The following KAZN variants were observed in gnomAD, a reference collection of about 807,000 sequenced individuals.
The protein encoded by KAZN is kazrin, periplakin interacting protein.
Under a neutral mutation model 87.4 loss-of-function variants are expected in KAZN, and 40 were observed. That is an observed-to-expected ratio of 0.46 (90% CI 0.36 to 0.60). The LOEUF is 0.60. Ranked by LOEUF, KAZN falls within the 20% of genes least tolerant of loss-of-function variation. The pLI is 0.00. For missense variants in KAZN, 898 were observed against 1,073.9 expected, an observed-to-expected ratio of 0.84 and a Z score of 2.29; for synonymous variants, 466 against 458.3, an observed-to-expected ratio of 1.02 and a Z score of -0.22.
chr1:14,777,737 T>G (rs138476006), intron 1 of KAZN, among the ~76,000 whole-genome samples: 232 of 152,306 alleles, frequency 1.5e-3, no homozygotes, highest in African/African-American at 5.4e-3. Flanking sequence ...CGAGGATACA[T>G]ATTGTTACTT....
Position 15,086,571 on chromosome 1 carries a change from A to C in KAZN, c.1223-7609A>C, listed in dbSNP as rs776757239. Among the ~76,000 whole-genome samples, 113 of 152,240 alleles carry C rather than the reference A, an allele frequency of 7.4e-4. 1 individual carries two copies. The highest frequency in any genetic ancestry group is 1.2e-4 in the Non-Finnish European group (8 of 68,036). On this transcript the variant is annotated intron_variant, in intron 8 of 14. Transcript: ENST00000376030. The stretch of plus-strand genomic sequence containing the variant: ...AAAGTTATTCCAGAAGGAAGGTCTG[A>C]GGTACAAGAAGACATGATGAACAAA...
chr1:14,962,235 C>T (rs191186205), intron 2 of KAZN, among the ~76,000 whole-genome samples: 1 of 152,314 alleles, frequency 6.6e-6, no homozygotes, highest in East Asian at 1.9e-4. Context: ...AGGGTGAGCC[C>T]GTATCCAGAG....
intron 1 of KAZN, among the ~76,000 whole-genome samples, chr1:14,734,289 T>A (rs1035997584): frequency 6.9e-6 from 1 of 145,792 alleles, no homozygotes; most frequent in South Asian, 2.2e-4. Flanking sequence ...AGAGAGTCTG[T>A]GTTTTTCTTT....
rs1322308830 is a variant in KAZN at position 14,276,160 on chromosome 1, G to GGGGT, written c.249+95569_249+95570insGGTG. On this transcript the variant is annotated intron_variant, in intron 2 of 16. Coordinates refer to the KAZN transcript ENST00000636203. ...CATGGAGCATAGTGTTCGCTATAAG[G>GGGGT]GTGTGTGTGTGTGTGTGTGTGTGTG... is the stretch of plus-strand genomic sequence containing the variant. Among the ~76,000 whole-genome samples, 864 of 135,780 alleles carry GGGGT rather than the reference G, an allele frequency of 6.4e-3. 4 individuals are homozygous for GGGGT. The highest frequency in any genetic ancestry group is 0.028 in the South Asian group (113 of 4,080). 89.1% of individuals were successfully genotyped at this position (135,780 alleles called of 152,430 possible). A position where few individuals can be genotyped will look rare whatever the true frequency, so the allele number is the denominator to read the frequency against.
chr1:14,746,881 A>AT, intron 1 of KAZN, among the ~76,000 whole-genome samples: 1 of 152,320 alleles, frequency 6.6e-6, no homozygotes, highest in Non-Finnish European at 1.5e-5. Flanking sequence ...CCTTTTAATC[A>AT]TTTTTAAGTC....
chr1:14,875,331 C>T (rs375904542), intron 1 of KAZN, among the ~76,000 whole-genome samples: 2 of 86,948 alleles, frequency 2.3e-5, no homozygotes, highest in Non-Finnish European at 2.2e-5. Context: ...AACTCTGTCT[C>T]AAAAAAAAAA....
chr1:14,163,658 C>T lies in KAZN; in HGVS notation c.92-16777C>T, dbSNP rs191621335. On this transcript the variant is annotated intron_variant, in intron 1 of 16. Transcript: ENST00000636203. ...TGCCGTTCCCTAGTGCCAGCTGTGA[C>T]CAATTATTATTTTAGTGAGAGAGTT... Among the ~76,000 whole-genome samples the T allele has an allele frequency of 3.5e-3, 530 of 152,238 alleles. 3 individuals are homozygous for T. The highest frequency in any genetic ancestry group is 6.3e-3 in the Non-Finnish European group (428 of 68,014).
At chr1:14,049,963 C>T (rs763512847) in intron 1 of KAZN, among the ~76,000 whole-genome samples, 1 of 152,208 alleles carries the variant, frequency 6.6e-6, no homozygotes, top group African/African-American at 2.4e-5. Flanking sequence ...GGAGGAGGCC[C>T]TGCCTTGCCT....
At chr1:14,037,146 C>T (rs946806870) in intron 1 of KAZN, among the ~76,000 whole-genome samples, 1 of 152,170 alleles carries the variant, frequency 6.6e-6, no homozygotes, top group Non-Finnish European at 1.5e-5. Flanking sequence ...TATTTTATAG[C>T]CCACTTTTTC....
chr1:14,855,894 G>C (rs1161610692), intron 1 of KAZN, among the ~76,000 whole-genome samples: 1 of 152,300 alleles, frequency 6.6e-6, no homozygotes, highest in East Asian at 1.9e-4. Flanking sequence ...GAGGAAGCCT[G>C]TTCTCCCCTT....
intron 1 of KAZN, among the ~76,000 whole-genome samples, chr1:14,645,489 G>C (rs1680744753): frequency 6.6e-6 from 1 of 152,124 alleles, no homozygotes; most frequent in South Asian, 2.1e-4. Context: ...GCAGTGTTTT[G>C]TAATTCTCAT....
intron 2 of KAZN, among the ~76,000 whole-genome samples, chr1:14,346,808 A>C: frequency 6.6e-6 from 1 of 152,290 alleles, no homozygotes; most frequent in Admixed American, 6.5e-5. Context: ...TATAATACCA[A>C]ACAATTAGAA....
chr1:14,169,199 C>G (rs6688168), intron 1 of KAZN, among the ~76,000 whole-genome samples: 74,687 of 151,832 alleles, frequency 0.49, 19,113 homozygotes, highest in African/African-American at 0.64. Context: ...CTGGGTCTCA[C>G]GGTGGACGGA....
chr1:14,402,422 A>G (rs1178699162), intron 2 of KAZN, among the ~76,000 whole-genome samples: 2 of 152,150 alleles, frequency 1.3e-5, no homozygotes, highest in African/African-American at 4.8e-5. Context: ...AAAAATAACA[A>G]AAGCCTTGCA....
intron 2 of KAZN, among the ~76,000 whole-genome samples, chr1:15,001,163 G>T (rs1426773413): frequency 2.0e-5 from 3 of 151,650 alleles, no homozygotes; most frequent in African/African-American, 7.3e-5. Context: ...TGCATTGCAG[G>T]TAAAGTTCTG....
At chr1:14,824,776 C>T (rs574902469) in intron 1 of KAZN, among the ~76,000 whole-genome samples, 7 of 152,298 alleles carry the variant, frequency 4.6e-5, no homozygotes, top group East Asian at 1.9e-4. Flanking sequence ...TAGTATTCTA[C>T]GGTATTTGCA....
At chr1:14,948,536 A>G (rs1662104030) in intron 1 of KAZN, among the ~76,000 whole-genome samples, 1 of 152,110 alleles carries the variant, frequency 6.6e-6, no homozygotes. Context: ...ACTGGGTCAT[A>G]TTTTCATCCC....
At chr1:15,078,716 G>A (rs1167959925) in intron 8 of KAZN, among the ~76,000 whole-genome samples, 1 of 152,132 alleles carries the variant, frequency 6.6e-6, no homozygotes, top group Non-Finnish European at 1.5e-5. Context: ...GAAGGGCATC[G>A]GTCTGCAGCG....
At chr1:14,722,253 G>A (rs761242676) in intron 1 of KAZN, among the ~76,000 whole-genome samples, 5 of 152,248 alleles carry the variant, frequency 3.3e-5, no homozygotes, top group African/African-American at 4.8e-5. Flanking sequence ...TTCCATGTGC[G>A]TTTTAGTATG....
Sources: allele counts gnomAD v4.1 joint callset (sites outside exome capture counted in the v4.1 genomes callset), GRCh38; gene constraint gnomAD v4.1.1; transcripts MANE v1.5; gene names NCBI Gene and HGNC (gene_info 2026-07-23, HGNC 2026-07-21).